The following MKLN1 variants were observed in gnomAD, a reference collection of about 807,000 sequenced individuals.
MKLN1 encodes muskelin 1, also known as muskelin.
MKLN1 carries 18 observed loss-of-function variants against 99.0 expected under a neutral mutation model. That is an observed-to-expected ratio of 0.18 (90% CI 0.13 to 0.27). The LOEUF (loss-of-function observed/expected upper bound fraction) is 0.27. MKLN1 is among the 10% of genes least tolerant of loss of function. MKLN1 has a pLI of 1.00. For missense variants in MKLN1, 621 were observed against 875.9 expected (o/e 0.71, Z 3.67); for synonymous variants, 288 against 293.2 (o/e 0.98, Z 0.18).
chr7:131,461,601 G>T (rs886079251), intron 12 of MKLN1, among the ~76,000 whole-genome samples: 2 of 152,026 alleles, frequency 1.3e-5, no homozygotes, highest in South Asian at 2.1e-4. Flanking sequence ...GGATTATTTG[G>T]TCCCACTAAA....
intron 2 of MKLN1, among the ~76,000 whole-genome samples, chr7:131,164,223 C>T (rs908430463): frequency 2.6e-5 from 4 of 152,122 alleles, no homozygotes; most frequent in African/African-American, 9.7e-5. Flanking sequence ...GCAACCCTCC[C>T]AACTCAGCTT....
At chr7:131,308,553 G>A (rs925519821) in intron 3 of MKLN1, among the ~76,000 whole-genome samples, 6 of 151,272 alleles carry the variant, frequency 4.0e-5, no homozygotes, top group South Asian at 2.1e-4. Context: ...GGGCTACCGC[G>A]CCTGGCCTCA....
intron 15 of MKLN1, among the ~76,000 whole-genome samples, chr7:131,468,798 A>G (rs1239109603): frequency 6.6e-6 from 1 of 152,208 alleles, no homozygotes; most frequent in Non-Finnish European, 1.5e-5. Context: ...GAAAATGAAG[A>G]TGGAGAACAT....
At chr7:131,347,990 T>A (rs1275954851) in intron 1 of MKLN1, among the ~76,000 whole-genome samples, 1 of 152,218 alleles carries the variant, frequency 6.6e-6, no homozygotes, top group African/African-American at 2.4e-5. Context: ...GAACATTCTG[T>A]ATTTAACAAA....
intron 1 of MKLN1, among the ~76,000 whole-genome samples, chr7:131,110,703 G>T (rs531519285): frequency 2.2e-4 from 33 of 152,300 alleles, no homozygotes; most frequent in Admixed American, 7.8e-4. Flanking sequence ...ATAGGAAGAA[G>T]AACTTCATTC....
intron 2 of MKLN1, among the ~76,000 whole-genome samples, chr7:131,172,988 C>T (rs543306860): frequency 7.9e-5 from 12 of 152,234 alleles, no homozygotes; most frequent in Non-Finnish European, 1.3e-4. Context: ...TTGATTTAAA[C>T]AAATGAAAAT....
Position 131,478,595 on chromosome 7 carries a change from C to T in MKLN1, c.2032-28C>T, listed in dbSNP as rs200940427. 7.9e-4 allele frequency: 975 copies of T among 1,238,284 alleles called. 1 individual carries two copies. Among genetic ancestry groups the T allele is most frequent in the African/African-American group, 1.6e-3 (91 of 55,992 alleles). The allele number at this position is 1,238,284 out of a possible 1,614,324, so 76.7% of individuals were successfully genotyped here. ...CACTTAGCCAGCTAATTTGCTGCTTCTTTTTTTTTTTTTTTTTTTTTAAAC... is the reference window on the plus strand; with the variant it reads ...CACTTAGCCAGCTAATTTGCTGCTTTTTTTTTTTTTTTTTTTTTTTTAAAC... On this transcript the variant is annotated intron_variant, in intron 16 of 17. Coordinates refer to ENST00000352689, the MANE Select transcript of MKLN1 (RefSeq NM_013255.5).
At position 131,467,551 on chromosome 7, in the gene MKLN1, G is replaced by T. The variant is rs1046679664; in HGVS notation, c.1928+1136G>T. ...GTCTGGTGGGGTGGGGAGTGTTCTA[G>T]ATAGGTAATAGTCAAGGCTCTGAAG... On this transcript the variant is annotated intron_variant, in intron 15 of 17. Transcript: ENST00000352689. Among the ~76,000 whole-genome samples, 8 of 152,266 alleles carry T rather than the reference G, an allele frequency of 5.3e-5. No homozygotes were observed. In the South Asian group the frequency reaches 8.3e-4, roughly 16 times the overall value.
intron 1 of MKLN1, among the ~76,000 whole-genome samples, chr7:131,357,709 C>T (rs2116789180): frequency 6.6e-6 from 1 of 152,180 alleles, no homozygotes; most frequent in East Asian, 1.9e-4. Flanking sequence ...GACATAACTT[C>T]CATCATTTTT....
intron 16 of MKLN1, among the ~76,000 whole-genome samples, chr7:131,477,456 A>G (rs780293365): frequency 2.0e-5 from 3 of 151,946 alleles, no homozygotes; most frequent in Admixed American, 6.6e-5. Context: ...GCAGTGAGCC[A>G]TGATCACGCC....
intron 2 of MKLN1, among the ~76,000 whole-genome samples, chr7:131,181,805 G>A (rs934965249): frequency 2.6e-5 from 4 of 151,938 alleles, no homozygotes; most frequent in African/African-American, 7.3e-5. Flanking sequence ...GACTATAGGC[G>A]CAAGCCACCA....
chr7:131,175,241 T>C (rs546822210), intron 2 of MKLN1, among the ~76,000 whole-genome samples: 1 of 57,326 alleles, frequency 1.7e-5, no homozygotes, highest in Admixed American at 2.0e-4. Flanking sequence ...ATAGAATGGA[T>C]GGATGGATAG....
intron 3 of MKLN1, among the ~76,000 whole-genome samples, chr7:131,260,752 A>G (rs1026847857): frequency 6.6e-6 from 1 of 152,180 alleles, no homozygotes; most frequent in African/African-American, 2.4e-5. Flanking sequence ...AACAGAATAG[A>G]GAGGGCTACA....
chr7:131,471,280 A>G (rs1024694440), intron 16 of MKLN1: 4 of 178,128 alleles, frequency 2.2e-5, no homozygotes, highest in African/African-American at 7.2e-5. Flanking sequence ...TAATGGTTCA[A>G]TATAAACTTT....
intron 12 of MKLN1, among the ~76,000 whole-genome samples, chr7:131,460,169 G>GT (rs796588720): frequency 2.7e-4 from 41 of 151,734 alleles, no homozygotes; most frequent in Admixed American, 1.3e-3. Flanking sequence ...TACTCATAGG[G>GT]TTTTTTTTCC....
intron 3 of MKLN1, among the ~76,000 whole-genome samples, chr7:131,270,069 A>G (rs113118378): frequency 0.14 from 20,655 of 146,534 alleles, 1,665 homozygotes; most frequent in South Asian, 0.33. Flanking sequence ...GACTACAGGC[A>G]TTGCCACCAC....
At chr7:131,176,953 A>G (rs1796308330) in intron 2 of MKLN1, among the ~76,000 whole-genome samples, 1 of 152,204 alleles carries the variant, frequency 6.6e-6, no homozygotes. Context: ...AGGCTGGAAA[A>G]TGCTAGGCTG....
chr7:131,482,482 G>A (rs1298543492), intron 17 of MKLN1, among the ~76,000 whole-genome samples: 3 of 152,186 alleles, frequency 2.0e-5, no homozygotes, highest in African/African-American at 4.8e-5. Context: ...AAAGTTTAGT[G>A]TTAGAAATAA....
rs1797378123 is a variant in MKLN1, at chr7:131,489,805, C to T, written c.*2077C>T. ...TTGTTTTTCCCTAAATGTTTCCCTA[C>T]TAGTCTTTTTGGAAAACATGTTTGT... On this transcript the variant is annotated 3_prime_UTR_variant, in exon 18 of 18. Coordinates refer to ENST00000352689, the MANE Select transcript of MKLN1 (RefSeq NM_013255.5). The T allele has an allele frequency of 6.6e-6, 1 of 152,108 alleles. No homozygotes were observed. Among genetic ancestry groups the T allele is most frequent in the Non-Finnish European group, 1.5e-5 (1 of 68,012 alleles). 9.4% of individuals were successfully genotyped at this position (152,108 alleles called of 1,614,324 possible). A position where few individuals can be genotyped will look rare whatever the true frequency, so the allele number is the denominator to read the frequency against.
Sources: allele counts gnomAD v4.1 joint callset (sites outside exome capture counted in the v4.1 genomes callset), GRCh38; gene constraint gnomAD v4.1.1; transcripts MANE v1.5; gene names NCBI Gene and HGNC (gene_info 2026-07-23, HGNC 2026-07-21).